MEI4: variants seen among roughly 807,000 people sequenced by gnomAD.
The protein encoded by MEI4 is meiosis-specific protein MEI4.
Under a neutral mutation model 31.4 loss-of-function variants are expected in MEI4, and 27 were observed. The ratio of observed to expected loss-of-function variants is 0.86; its 90% CI spans 0.63 to 1.19. MEI4 has a LOEUF of 1.19. Among genes scored for constraint, MEI4 ranks in the 50% most tolerant of loss-of-function variants. MEI4 has a pLI of 0.00. For synonymous variants in MEI4, 122 were observed against 145.4 expected (o/e 0.84, Z 1.16); for missense variants, 329 against 398.9 (o/e 0.82, Z 1.49).
chr6:77,652,830 T>C (rs902597787), upstream of MEI4, among the ~76,000 whole-genome samples: 11 of 152,072 alleles, frequency 7.2e-5, no homozygotes, highest in Non-Finnish European at 1.6e-4. Flanking sequence ...CTAAGGCCCA[T>C]AGACATCAAA....
chr6:77,697,736 A>G lies in MEI4; in HGVS notation c.232+6833A>G, dbSNP rs892713678. On this transcript the variant is annotated intron_variant, in intron 2 of 4. Coordinates refer to ENST00000684080, the MANE Select transcript of MEI4 (RefSeq NM_001322247.2). ...TGTGGTGTGGTGCTGAAAAAAGTAT[A>G]TATTCTGTTGATTTGGGGTGGAGAG... is the stretch of plus-strand genomic sequence containing the variant. 2.0e-5 allele frequency among the ~76,000 whole-genome samples: 3 copies of G among 151,826 alleles called. 1 individual carries two copies. In the South Asian group the frequency reaches 6.2e-4, roughly 31 times the overall value.
intron 3 of MEI4, among the ~76,000 whole-genome samples, chr6:77,789,597 C>T (rs1768856055): frequency 6.6e-6 from 1 of 152,128 alleles, no homozygotes; most frequent in Non-Finnish European, 1.5e-5. Flanking sequence ...GGGTGAAGGA[C>T]ATGAACAGAC....
chr6:77,733,503 T>A (rs1767079190), intron 2 of MEI4, among the ~76,000 whole-genome samples: 1 of 152,124 alleles, frequency 6.6e-6, no homozygotes, highest in African/African-American at 2.4e-5. Context: ...TTGTGTCTAT[T>A]TGATTCTTCT....
intron 3 of MEI4, among the ~76,000 whole-genome samples, chr6:77,801,528 A>G (rs1230298934): frequency 6.6e-6 from 1 of 152,014 alleles, no homozygotes; most frequent in African/African-American, 2.4e-5. Flanking sequence ...GCCTTCTGCT[A>G]GCTTTTGAAT....
chr6:77,743,403 C>A (rs1177559562), intron 2 of MEI4, among the ~76,000 whole-genome samples: 2 of 152,112 alleles, frequency 1.3e-5, no homozygotes, highest in African/African-American at 4.8e-5. Context: ...GGAGTTCACT[C>A]ATAATTTGGC....
intron 3 of MEI4, among the ~76,000 whole-genome samples, chr6:77,774,422 A>G (rs998548001): frequency 1.6e-4 from 25 of 152,122 alleles, no homozygotes; most frequent in African/African-American, 6.0e-4. Context: ...CAGGAAGACA[A>G]ACTTCACATG....
chr6:77,728,989 G>A (rs1766901058), intron 2 of MEI4, among the ~76,000 whole-genome samples: 1 of 152,174 alleles, frequency 6.6e-6, no homozygotes, highest in Non-Finnish European at 1.5e-5. Context: ...AGCATAAGGT[G>A]GGATCGGACA....
chr6:77,887,910 A>T (rs1771662667), intron 4 of MEI4, among the ~76,000 whole-genome samples: 1 of 152,180 alleles, frequency 6.6e-6, no homozygotes, highest in African/African-American at 2.4e-5. Context: ...CTCTCTCTTT[A>T]GATCTATTGG....
intron 4 of MEI4, among the ~76,000 whole-genome samples, chr6:77,882,856 C>T (rs1771521120): frequency 6.6e-6 from 1 of 152,134 alleles, no homozygotes. Flanking sequence ...ATGTAACACT[C>T]TTCTAATTTA....
rs1769780481 is a variant in MEI4 at position 77,820,062 on chromosome 6, T to C, written c.769-8869T>C. ...GACCTAAATCTTATTTTTTTCTGAA[T>C]GGTTTTCCTTCTATCACTGTGTACT... On this transcript the variant is annotated intron_variant, in intron 3 of 4. Transcript: ENST00000684080. This position sits in a 1 kb window ranked among gnomAD's most constrained non-coding sequence, Gnocchi z 4.5. Among the ~76,000 whole-genome samples, 6 of 152,304 alleles carry C rather than the reference T, an allele frequency of 3.9e-5. No homozygotes were observed. The Middle Eastern group carries it at 0.01, about 259-fold the overall frequency.
intron 4 of MEI4, among the ~76,000 whole-genome samples, chr6:77,857,125 T>C (rs1770765152): frequency 1.3e-5 from 2 of 152,184 alleles, no homozygotes; most frequent in Non-Finnish European, 2.9e-5. Context: ...GGGTTTAGAA[T>C]GAAGTTTTAC....
chr6:77,841,151 C>T (rs1770347399), intron 4 of MEI4, among the ~76,000 whole-genome samples: 1 of 151,254 alleles, frequency 6.6e-6, no homozygotes, highest in Non-Finnish European at 1.5e-5. Flanking sequence ...AACATATATG[C>T]TGATGAAACA....
At chr6:77,809,388 A>G (rs1243609992) in intron 3 of MEI4, among the ~76,000 whole-genome samples, 3 of 152,176 alleles carry the variant, frequency 2.0e-5, no homozygotes, top group African/African-American at 7.2e-5. Flanking sequence ...AAATGCATGC[A>G]GTAGTTTTAT....
rs960343601 is a variant in MEI4 at position 77,732,137 on chromosome 6, G to T, written c.233-28993G>T. On this transcript the variant is annotated intron_variant, in intron 2 of 4. Transcript: ENST00000684080. ...CTCTTTTTTGGTTCCATATGAACTT[G>T]AAAGTAGTTTTTTCCAATTCTGTGA... 7.3e-5 allele frequency among the ~76,000 whole-genome samples: 11 copies of T among 151,378 alleles called. 1 individual carries two copies. Among genetic ancestry groups the T allele is most frequent in the Middle Eastern group, 6.8e-3 (2 of 294 alleles).
At chr6:77,773,034 TAGG>T (rs1180422375) in intron 3 of MEI4, among the ~76,000 whole-genome samples, 2 of 151,666 alleles carry the variant, frequency 1.3e-5, no homozygotes, top group African/African-American at 4.8e-5. Context: ...ATGAAAGAAA[TAGG>T]AGAGGAAACA....
intron 4 of MEI4, among the ~76,000 whole-genome samples, chr6:77,858,811 T>C (rs1770798283): frequency 6.6e-6 from 1 of 152,024 alleles, no homozygotes; most frequent in Admixed American, 6.6e-5. Flanking sequence ...ACTACAATTT[T>C]TTTTTTGTAA....
chr6:77,741,118 C>A (rs1433937055), intron 2 of MEI4, among the ~76,000 whole-genome samples: 5 of 152,072 alleles, frequency 3.3e-5, no homozygotes, highest in Non-Finnish European at 5.9e-5. Flanking sequence ...ATAAGAAACA[C>A]ACCAGATGGG....
intron 4 of MEI4, among the ~76,000 whole-genome samples, chr6:77,911,274 A>C (rs1192315739): frequency 6.6e-6 from 1 of 152,032 alleles, no homozygotes; most frequent in African/African-American, 2.4e-5. Context: ...AGTTCAATAT[A>C]GTCCAATTCA....
chr6:77,919,120 A>C (rs1766638876), intron 4 of MEI4, among the ~76,000 whole-genome samples: 1 of 152,048 alleles, frequency 6.6e-6, no homozygotes, highest in South Asian at 2.1e-4. Flanking sequence ...ATACCCAGGA[A>C]TTGAACTCAG....
Sources: allele counts gnomAD v4.1 joint callset (sites outside exome capture counted in the v4.1 genomes callset), GRCh38; gene constraint gnomAD v4.1.1; non-coding constraint Gnocchi (gnomAD v3.1); transcripts MANE v1.5; gene names NCBI Gene and HGNC (gene_info 2026-07-23, HGNC 2026-07-21).